The following ERAP1 variants were observed in gnomAD, a reference collection of about 807,000 sequenced individuals.
The protein encoded by ERAP1 is adipocyte-derived leucine aminopeptidase.
Under a neutral mutation model 103.7 loss-of-function variants are expected in ERAP1, and 86 were observed. The observed-to-expected ratio is 0.83, with a 90% confidence interval of 0.70 to 0.99. ERAP1 has a LOEUF of 0.99. Among genes scored for constraint, ERAP1 ranks in the 50% least tolerant of loss-of-function variants. ERAP1 has a pLI of 0.00. For missense variants in ERAP1, 1,009 were observed against 1,128.4 expected (o/e 0.89, Z 1.52); for synonymous variants, 398 against 402.4 (o/e 0.99, Z 0.13).
At chr5:96,828,215 G>A in the ERAP1 span, among the ~76,000 whole-genome samples, 1 of 152,092 alleles carries the variant, frequency 6.6e-6, no homozygotes, top group Non-Finnish European at 1.5e-5. Flanking sequence ...TATTACAGGG[G>A]TAAGCCTCTA....
At chr5:96,890,813 T>C in the ERAP1 span, among the ~76,000 whole-genome samples, 3 of 152,044 alleles carry the variant, frequency 2.0e-5, no homozygotes, top group Non-Finnish European at 2.9e-5. Context: ...AGTACAGATA[T>C]ACTAAATCCC....
At chr5:96,886,715 A>T in the ERAP1 span, 6 of 1,553,226 alleles carry the variant, frequency 3.9e-6, no homozygotes, top group Non-Finnish European at 5.3e-6. Context: ...TACTGTAAAA[A>T]TGAGTACATA....
chr5:96,838,836 T>A, the ERAP1 span, among the ~76,000 whole-genome samples: 1 of 151,064 alleles, frequency 6.6e-6, no homozygotes, highest in East Asian at 1.9e-4. Flanking sequence ...CACACACACA[T>A]TTGCCATGCA....
At chr5:96,837,437 G>A in the ERAP1 span, among the ~76,000 whole-genome samples, 8 of 152,210 alleles carry the variant, frequency 5.3e-5, no homozygotes, top group African/African-American at 1.9e-4. Flanking sequence ...TGGAGTGCAC[G>A]GGCGCTGGAC....
downstream of ERAP1, chr5:96,771,583 C>T (rs1772338418): frequency 8.0e-7 from 1 of 1,243,188 alleles, no homozygotes; most frequent in Non-Finnish European, 1.2e-6. Context: ...TCTGAGAAGG[C>T]CATCTCCTCA....
Position 96,781,093 on chromosome 5 carries a change from T to G in ERAP1, c.2553A>C (p.Gln851His). 6.2e-7 allele frequency: 1 copy of G among 1,613,934 alleles called. No individual in the cohort carries two copies. ...RNPVGYPLAW[Q>H]FLRKNWNKLV... ...GTTTGTTCCAGTTTTTCCTCAGAAATTGCCAGGCCAGTGGGTATCCTACTG... is the reference window on the plus strand; with the variant it reads ...GTTTGTTCCAGTTTTTCCTCAGAAAGTGCCAGGCCAGTGGGTATCCTACTG... The change falls in exon 17 of 19, where the codon CAA (glutamine) becomes CAC (histidine). Residue 851 changes from glutamine to histidine, a missense_variant. Physicochemically the swap from Gln to His is conservative, Grantham distance 24. Coordinates refer to ENST00000443439, the MANE Select transcript of ERAP1 (RefSeq NM_001040458.3).
At chr5:96,797,403 T>C in intron 3 of ERAP1, 94 bp from the exon 4 acceptor site, 1 of 1,421,522 alleles carries the variant, frequency 7.0e-7, no homozygotes, top group East Asian at 2.4e-5. Flanking sequence ...ATATTAAAAG[T>C]GTATCAATCC....
At chr5:96,888,518 TGGTAAACTG>T in the ERAP1 span, among the ~76,000 whole-genome samples, 1 of 152,256 alleles carries the variant, frequency 6.6e-6, no homozygotes, top group Non-Finnish European at 1.5e-5. Context: ...GCACAGTGCC[TGGTAAACTG>T]TCAAAAAATG....
At chr5:96,768,339 C>T in intron 19 of ERAP1, 1 of 428,846 alleles carries the variant, frequency 2.3e-6, no homozygotes, top group South Asian at 1.8e-5. Context: ...CAACCTCTAC[C>T]TCCCAAAGTA....
the ERAP1 span, among the ~76,000 whole-genome samples, chr5:96,830,987 G>T: frequency 4.6e-5 from 7 of 152,194 alleles, no homozygotes; most frequent in Non-Finnish European, 1.0e-4. Flanking sequence ...CACATAGGTG[G>T]ATTTCATATC....
chr5:96,874,967 G>A, the ERAP1 span, among the ~76,000 whole-genome samples: 1 of 152,212 alleles, frequency 6.6e-6, no homozygotes, highest in Non-Finnish European at 1.5e-5. Context: ...CTATAGGCTG[G>A]CATATAGGCT....
At chr5:96,839,805 AC>A in the ERAP1 span, among the ~76,000 whole-genome samples, 1 of 152,110 alleles carries the variant, frequency 6.6e-6, no homozygotes, top group African/African-American at 2.4e-5. Context: ...TCTACCCTCA[AC>A]TTTTCTTAAT....
the ERAP1 span, among the ~76,000 whole-genome samples, chr5:96,830,607 T>A: frequency 6.6e-6 from 1 of 152,250 alleles, no homozygotes; most frequent in Non-Finnish European, 1.5e-5. Flanking sequence ...CTTGCAAATA[T>A]AATTCAGCAA....
the ERAP1 span, chr5:96,896,529 A>C: frequency 6.3e-7 from 1 of 1,584,512 alleles, no homozygotes; most frequent in Non-Finnish European, 8.5e-7. Context: ...GTGCAGGTGG[A>C]AGCTCTGCTT....
the ERAP1 span, among the ~76,000 whole-genome samples, chr5:96,868,176 T>G: frequency 6.6e-6 from 1 of 152,158 alleles, no homozygotes; most frequent in Non-Finnish European, 1.5e-5. Flanking sequence ...TACAATCAGT[T>G]CTCTCTTAAA....
the ERAP1 span, chr5:96,918,975 A>G: frequency 6.6e-6 from 1 of 152,214 alleles, no homozygotes; most frequent in Non-Finnish European, 1.5e-5. Context: ...GTTTGGAATA[A>G]AGAAAGAAAA....
chr5:96,773,735 G>A (rs988415839), downstream of ERAP1: 2 of 152,132 alleles, frequency 1.3e-5, no homozygotes, highest in Non-Finnish European at 2.9e-5. Context: ...TGATATCATC[G>A]ATTAGAATTT....
chr5:96,858,364 G>A, the ERAP1 span, among the ~76,000 whole-genome samples: 888 of 151,920 alleles, frequency 5.8e-3, 8 homozygotes, highest in African/African-American at 0.02. Flanking sequence ...ACAGGTGCCC[G>A]TCACCATACC....
upstream of ERAP1, among the ~76,000 whole-genome samples, chr5:96,808,374 G>C (rs1290747394): frequency 1.3e-5 from 2 of 151,662 alleles, no homozygotes; most frequent in Non-Finnish European, 2.9e-5. Context: ...CCAGGCAGGC[G>C]CTGACAAGTC....
Sources: gnomAD v4.1 joint callset for allele counts (sites outside exome capture counted in the v4.1 genomes callset) on GRCh38, gnomAD v4.1.1 for gene constraint, MANE v1.5 for transcripts, NCBI Gene and HGNC (gene_info 2026-07-23, HGNC 2026-07-21) for gene names.